Variants in GPHN observed in about 807,000 individuals in gnomAD.
GPHN encodes gephyrin.
GPHN carries 17 observed loss-of-function variants against 95.5 expected under a neutral mutation model. That is an observed-to-expected ratio of 0.18 (90% CI 0.12 to 0.27). The LOEUF is 0.27. Ranked by LOEUF, GPHN falls within the 10% of genes least tolerant of loss-of-function variation. The pLI is 1.00. For missense variants in GPHN, 660 were observed against 978.1 expected (o/e 0.67, Z 4.34); for synonymous variants, 320 against 322.5 (o/e 0.99, Z 0.08).
At chr14:67,211,307 G>A in the GPHN span, among the ~76,000 whole-genome samples, 1 of 151,836 alleles carries the variant, frequency 6.6e-6, no homozygotes, top group Admixed American at 6.6e-5. Flanking sequence ...CAAGCAAACT[G>A]AACAAAAAAA....
intron 8 of GPHN, among the ~76,000 whole-genome samples, chr14:66,951,662 C>G (rs989152561): frequency 2.6e-5 from 4 of 152,142 alleles, no homozygotes; most frequent in Middle Eastern, 3.4e-3. Flanking sequence ...TACCAAATAT[C>G]AAGATTTAGT....
intron 3 of GPHN, among the ~76,000 whole-genome samples, chr14:66,801,724 C>G (rs535436084): frequency 1.3e-5 from 2 of 149,726 alleles, no homozygotes; most frequent in East Asian, 4.0e-4. Flanking sequence ...CTGGATCAGG[C>G]CTGAAGCCAG....
intron 17 of GPHN, among the ~76,000 whole-genome samples, chr14:67,131,335 C>T (rs1345056747): frequency 3.9e-5 from 6 of 151,970 alleles, no homozygotes; most frequent in Non-Finnish European, 8.8e-5. Context: ...ACCAGATAAG[C>T]TCCATGAATA....
intron 4 of GPHN, among the ~76,000 whole-genome samples, chr14:66,845,889 G>A (rs774972457): frequency 6.6e-6 from 1 of 151,990 alleles, no homozygotes; most frequent in Non-Finnish European, 1.5e-5. Flanking sequence ...GTGAACGTGT[G>A]TCTGTGTGTG....
At chr14:66,745,538 AATG>A (rs2058109123) in intron 2 of GPHN, among the ~76,000 whole-genome samples, 1 of 152,070 alleles carries the variant, frequency 6.6e-6, no homozygotes, top group Non-Finnish European at 1.5e-5. Flanking sequence ...AGGGATTATA[AATG>A]ATAATTTGAT....
the GPHN span, among the ~76,000 whole-genome samples, chr14:67,238,705 G>A: frequency 2.6e-5 from 4 of 152,000 alleles, no homozygotes; most frequent in African/African-American, 9.6e-5. Flanking sequence ...GTGCAGTGGT[G>A]TGATCTCAGC....
intron 4 of GPHN, among the ~76,000 whole-genome samples, chr14:66,863,518 C>T (rs1022243912): frequency 6.6e-6 from 1 of 151,992 alleles, no homozygotes; most frequent in African/African-American, 2.4e-5. Flanking sequence ...CAAAGCTATC[C>T]TAAGCAAAAA....
the GPHN span, among the ~76,000 whole-genome samples, chr14:67,195,824 A>G: frequency 6.6e-6 from 1 of 150,646 alleles, no homozygotes; most frequent in Non-Finnish European, 1.5e-5. Context: ...GCTCACTGCC[A>G]TCTCCGCCTC....
chr14:67,184,120 C>T (rs1208009215), downstream of GPHN, among the ~76,000 whole-genome samples: 4 of 152,182 alleles, frequency 2.6e-5, no homozygotes, highest in Non-Finnish European at 5.9e-5. Context: ...CCACCACACT[C>T]AGCCTACAGT....
At chr14:66,815,306 A>T (rs902326598) in intron 3 of GPHN, among the ~76,000 whole-genome samples, 3 of 152,188 alleles carry the variant, frequency 2.0e-5, no homozygotes, top group Non-Finnish European at 4.4e-5. Flanking sequence ...CAAATTCAGG[A>T]AATGCAGAGA....
the GPHN span, among the ~76,000 whole-genome samples, chr14:67,286,313 TTGTC>T: frequency 1.3e-5 from 2 of 152,178 alleles, no homozygotes; most frequent in Non-Finnish European, 2.9e-5. Flanking sequence ...CTTGTGTCTG[TTGTC>T]TGTCTGTATG....
At chr14:67,625,117 G>A in the GPHN span, among the ~76,000 whole-genome samples, 1 of 151,684 alleles carries the variant, frequency 6.6e-6, no homozygotes, top group African/African-American at 2.4e-5. Context: ...GGAAAGAATA[G>A]TCTTCAGTAA....
chr14:67,060,311 G>A (rs10150145), intron 11 of GPHN, among the ~76,000 whole-genome samples: 49,378 of 151,226 alleles, frequency 0.33, 12,733 homozygotes, highest in African/African-American at 0.7. Flanking sequence ...CCATTCATTT[G>A]TTCATCAAAT....
the GPHN span, among the ~76,000 whole-genome samples, chr14:67,460,272 C>G: frequency 3.3e-5 from 5 of 152,066 alleles, no homozygotes; most frequent in Non-Finnish European, 7.4e-5. Context: ...ACCAGATGAC[C>G]CAGGGATCCT....
the GPHN span, chr14:67,724,415 A>C: frequency 3.3e-6 from 3 of 919,804 alleles, no homozygotes; most frequent in African/African-American, 1.7e-5. Context: ...TTTTTAACGT[A>C]TCTTAGTGTG....
chr14:67,642,030 G>A, the GPHN span, among the ~76,000 whole-genome samples: 18,877 of 152,048 alleles, frequency 0.12, 1,431 homozygotes, highest in South Asian at 0.33. Context: ...TAATAGGATC[G>A]AGATAATCTT....
chr14:66,863,108 T>C (rs2063092779), intron 4 of GPHN, among the ~76,000 whole-genome samples: 2 of 151,364 alleles, frequency 1.3e-5, no homozygotes, highest in Non-Finnish European at 2.9e-5. Context: ...CTATTAGAAC[T>C]GAGAAGCAAA....
At chr14:67,364,402 T>C in the GPHN span, 1 of 182,098 alleles carries the variant, frequency 5.5e-6, no homozygotes, top group East Asian at 1.6e-4. Context: ...TGATTAGTTA[T>C]AATAGTGATG....
At chr14:67,646,174 G>A in the GPHN span, among the ~76,000 whole-genome samples, 2 of 152,142 alleles carry the variant, frequency 1.3e-5, no homozygotes, top group Non-Finnish European at 2.9e-5. Context: ...GTCCATGTTA[G>A]GCACAGACTA....
Sources: gnomAD v4.1 joint callset for allele counts (sites outside exome capture counted in the v4.1 genomes callset) on GRCh38, gnomAD v4.1.1 for gene constraint, MANE v1.5 for transcripts, NCBI Gene and HGNC (gene_info 2026-07-23, HGNC 2026-07-21) for gene names.